GLB1L3: variants seen among roughly 807,000 people sequenced by gnomAD.
The protein encoded by GLB1L3 is galactosidase beta 1 like 3, also known as beta-galactosidase-1-like protein 3.
Under a neutral mutation model 89.5 loss-of-function variants are expected in GLB1L3, and 89 were observed. The ratio of observed to expected loss-of-function variants is 0.99; its 90% CI spans 0.84 to 1.19. The LOEUF (loss-of-function observed/expected upper bound fraction) is 1.19, where lower values mean the gene tolerates loss of function less well. GLB1L3 is among the 50% of genes most tolerant of loss of function. GLB1L3 has a pLI of 0.00. For missense variants in GLB1L3, 812 were observed against 813.3 expected, an observed-to-expected ratio of 1.00 and a Z score of 0.02; for synonymous variants, 314 against 312.3, an observed-to-expected ratio of 1.01 and a Z score of -0.06.
At chr11:134,289,934 T>G (rs927276944) in intron 7 of GLB1L3, among the ~76,000 whole-genome samples, 7 of 152,230 alleles carry the variant, frequency 4.6e-5, no homozygotes, top group South Asian at 4.1e-4. Context: ...TGAGCCGTCC[T>G]GACTCCGCCC....
intron 19 of GLB1L3, 24 bp from the exon 20 acceptor site, chr11:134,318,853 T>A (rs1449278576): frequency 2.5e-6 from 4 of 1,606,768 alleles, no homozygotes; most frequent in African/African-American, 1.3e-5. Context: ...CCTTTCCCAC[T>A]GTCAACCTTT....
intron 5 of GLB1L3, 134 bp from the exon 6 acceptor site, chr11:134,283,603 G>A: frequency 3.4e-6 from 2 of 595,016 alleles, no homozygotes. Context: ...GATCTTTCCA[G>A]GACCCGAGTG....
At chr11:134,307,258 A>T (rs772643932) in intron 10 of GLB1L3, 50 bp downstream of exon 10, 13 of 1,302,596 alleles carry the variant, frequency 1.0e-5, no homozygotes, top group African/African-American at 2.9e-5. Context: ...CCCAGGTCCC[A>T]TGAGAACTCA....
At chr11:134,304,676 CCTTATATTTCCT>C (rs1942103534) in intron 9 of GLB1L3, among the ~76,000 whole-genome samples, 1 of 151,934 alleles carries the variant, frequency 6.6e-6, no homozygotes, top group South Asian at 2.1e-4. Context: ...TATTTTAGCT[CCTTATATTTCCT>C]TATCATGTCT....
In GLB1L3 at chr11:134,293,219, T is replaced by A; in HGVS notation, c.876+10T>A. ...GCTTCATAAAGTCCAGGTAAGACAT[T>A]TCAGACAGGCAGGGTTTTACAGCTC... On this transcript the variant is annotated intron_variant, in intron 9 of 19. Coordinates refer to ENST00000431683, the MANE Select transcript of GLB1L3 (RefSeq NM_001080407.3). The A allele has an allele frequency of 6.2e-7, 1 of 1,611,504 alleles. No individual in the cohort carries two copies. The highest frequency in any genetic ancestry group is 8.5e-7 in the Non-Finnish European group (1 of 1,177,832).
intron 8 of GLB1L3, chr11:134,292,554 C>T (rs1941412758): frequency 4.5e-6 from 1 of 223,386 alleles, no homozygotes; most frequent in Admixed American, 5.1e-5. Context: ...TCTCCACTAA[C>T]TTGGGAAACC....
At chr11:134,306,813 G>A (rs779879310) in intron 9 of GLB1L3, among the ~76,000 whole-genome samples, 2 of 152,270 alleles carry the variant, frequency 1.3e-5, no homozygotes, top group Non-Finnish European at 2.9e-5. Context: ...AGGTCCTCGT[G>A]TATCCAAAAC....
Position 134,312,361 on chromosome 11 carries a change from C to G in GLB1L3, c.1300C>G (p.Arg434Gly). ...TTTCTCCTCATAGCCAGTCAGGTCG[C>G]GTCAGCCCGTCAACATGGAGAACCT... ...LSYLNEPVRS[R>G]QPVNMENLPI... Residue 434 changes from arginine to glycine, a missense_variant, in exon 14 of 20, where the codon CGT becomes GGT. Arg to Gly is a moderately radical substitution (Grantham distance 125, BLOSUM62 -2). This residue lies in a region of GLB1L3 where 618 missense variants were observed against 604.0 expected (regional missense o/e 1.02). Transcript: ENST00000431683. 5 of 1,613,588 alleles carry G rather than the reference C, an allele frequency of 3.1e-6. No homozygotes were observed.
chr11:134,277,610 T>A, intron 2 of GLB1L3, 90 bp from the exon 3 acceptor site: 1 of 1,523,536 alleles, frequency 6.6e-7, no homozygotes, highest in Non-Finnish European at 9.0e-7. Flanking sequence ...AACAAAAACT[T>A]CTTTTCGCTA....
intron 9 of GLB1L3, among the ~76,000 whole-genome samples, chr11:134,303,589 A>G (rs1246565042): frequency 6.6e-6 from 1 of 152,180 alleles, no homozygotes; most frequent in Non-Finnish European, 1.5e-5. Context: ...CTCCGCCTGG[A>G]TTGTACAAGT....
intron 1 of GLB1L3, chr11:134,277,013 C>T (rs1181871148): frequency 1.8e-6 from 1 of 563,186 alleles, no homozygotes; most frequent in East Asian, 3.1e-5. Context: ...AGCGGCTGGG[C>T]ACCGTGTCCT....
chr11:134,325,284 C>T, the GLB1L3 span, among the ~76,000 whole-genome samples: 2 of 152,172 alleles, frequency 1.3e-5, no homozygotes, highest in African/African-American at 2.4e-5. Flanking sequence ...GGACCAGTTC[C>T]ACCATCTACT....
rs1343799553 is a variant in GLB1L3, at chr11:134,308,238, T to TCACCACCATCAC, written c.961+1035_961+1036insCCATCACCACCA. Among the ~76,000 whole-genome samples the TCACCACCATCAC allele has an allele frequency of 1.5e-4, 4 of 26,300 alleles. 1 individual carries two copies. Among genetic ancestry groups the TCACCACCATCAC allele is most frequent in the East Asian group, 2.1e-3 (2 of 964 alleles). The allele number at this position is 26,300 out of a possible 152,430, so 17.3% of individuals were successfully genotyped here. A position where few individuals can be genotyped will look rare whatever the true frequency, so the allele number is the denominator to read the frequency against. ...ACCATCACCATCACCACCACCACCA[T>TCACCACCATCAC]CACCATCACCACCATCACCACCACC... On this transcript the variant is annotated intron_variant, in intron 10 of 19. Transcript: ENST00000431683.
rs142438462 is a variant in GLB1L3 at position 134,301,278 on chromosome 11, G to A, written c.877-5846G>A. 8.5e-5 allele frequency among the ~76,000 whole-genome samples: 13 copies of A among 152,258 alleles called. No individual in the cohort carries two copies. The East Asian group carries it at 1.2e-3, about 14-fold the overall frequency. On this transcript the variant is annotated intron_variant, in intron 9 of 19. Transcript: ENST00000431683. ...TTACAGTTTTTCAAGTTTTGTCCTC[G>A]CTGTGAGGATGGGATTTATGTTTTT... is the stretch of plus-strand genomic sequence containing the variant.
chr11:134,307,735 A>G (rs181436497), intron 10 of GLB1L3, among the ~76,000 whole-genome samples: 5 of 152,342 alleles, frequency 3.3e-5, no homozygotes, highest in Admixed American at 1.3e-4. Flanking sequence ...TCAGCTCTGC[A>G]GCGCTAGCCA....
At chr11:134,291,212 C>T (rs1391012247) in intron 7 of GLB1L3, among the ~76,000 whole-genome samples, 2 of 151,782 alleles carry the variant, frequency 1.3e-5, no homozygotes, top group Non-Finnish European at 1.5e-5. Flanking sequence ...GGTCGGTGTT[C>T]AAGTTCTTGA....
At chr11:134,315,942 A>G (rs1942960266) in intron 18 of GLB1L3, among the ~76,000 whole-genome samples, 1 of 152,100 alleles carries the variant, frequency 6.6e-6, no homozygotes, top group African/African-American at 2.4e-5. Flanking sequence ...TTACGCGTGG[A>G]TTTGGTTGCA....
At chr11:134,278,897 T>C (rs1214396938) in intron 3 of GLB1L3, among the ~76,000 whole-genome samples, 1 of 152,256 alleles carries the variant, frequency 6.6e-6, no homozygotes, top group Non-Finnish European at 1.5e-5. Flanking sequence ...ATTGCTGAAT[T>C]ACAACGGCAA....
At chr11:134,316,597 G>T (rs559577353) in intron 18 of GLB1L3, among the ~76,000 whole-genome samples, 1 of 152,174 alleles carries the variant, frequency 6.6e-6, no homozygotes, top group African/African-American at 2.4e-5. Flanking sequence ...CTTCTCTGAA[G>T]GTGTCAAGTA....
Sources: gnomAD v4.1 joint callset for allele counts (sites outside exome capture counted in the v4.1 genomes callset) on GRCh38, gnomAD v4.1.1 for gene constraint, gnomAD v4.1.1 regional missense constraint, MANE v1.5 for transcripts, NCBI Gene and HGNC (gene_info 2026-07-23, HGNC 2026-07-21) for gene names.